Variants in LIFR observed in about 807,000 individuals in gnomAD.
LIFR encodes the protein leukemia inhibitory factor receptor.
In LIFR, 84 loss-of-function variants were observed where a neutral mutation model predicts 122.2. The observed-to-expected ratio is 0.69, with a 90% CI of 0.58 to 0.82. LIFR has a LOEUF of 0.82. Among genes scored for constraint, LIFR ranks in the 40% least tolerant of loss-of-function variants. LIFR has a pLI of 0.00. For missense variants in LIFR, 1,294 were observed against 1,311.6 expected (o/e 0.99, Z 0.21); for synonymous variants, 422 against 434.7 (o/e 0.97, Z 0.36).
intron 1 of LIFR, chr5:38,607,513 ACTCTCTCT>A (rs60564000): frequency 0.31 from 46,192 of 147,670 alleles, 8,147 homozygotes; most frequent in Middle Eastern, 0.43. Flanking sequence ...TCTCATATGC[ACTCTCTCT>A]CTCTCTCTCT....
At chr5:38,566,909 A>G (rs1237998720) in intron 1 of LIFR, among the ~76,000 whole-genome samples, 1 of 152,224 alleles carries the variant, frequency 6.6e-6, no homozygotes, top group African/African-American at 2.4e-5. Context: ...GACATTTTCC[A>G]TGGTGTAAAT....
chr5:38,496,275 A>AT (rs1455388420), intron 13 of LIFR, 107 bp downstream of exon 13: 11 of 893,330 alleles, frequency 1.2e-5, no homozygotes, highest in Non-Finnish European at 2.0e-5. Flanking sequence ...GGTCAGCAGC[A>AT]ACAAGGTATA....
chr5:38,528,258 C>T (rs1414226046), intron 3 of LIFR, among the ~76,000 whole-genome samples: 1 of 152,176 alleles, frequency 6.6e-6, no homozygotes, highest in Non-Finnish European at 1.5e-5. Flanking sequence ...CTCCCTTGCA[C>T]AAAAACCACA....
At position 38,525,719 on chromosome 5, in the gene LIFR, G is replaced by C. The variant is rs189306819; in HGVS notation, c.397+1436C>G. On this transcript the variant is annotated intron_variant, in intron 4 of 19. Coordinates refer to ENST00000453190, the MANE Select transcript of LIFR (RefSeq NM_001127671.2). ...GAAAAGGAAAAATGCAGACAAACGA[G>C]AGGCAAGAAGTTGATTTAGTGCCAG... Among the ~76,000 whole-genome samples the C allele has an allele frequency of 3.3e-3, 499 of 152,264 alleles. 4 individuals carry two copies. The highest frequency in any genetic ancestry group is 6.1e-3 in the Admixed American group (93 of 15,296).
chr5:38,526,962 G>T (rs1179511412), intron 4 of LIFR, among the ~76,000 whole-genome samples, 193 bp downstream of exon 4: 1 of 152,060 alleles, frequency 6.6e-6, no homozygotes, highest in Non-Finnish European at 1.5e-5. Flanking sequence ...CTGAATTCTG[G>T]GCTATTTTGA....
rs551957274 is a variant in LIFR, at chr5:38,480,377, T to C, written c.*1218A>G. On this transcript the variant is annotated 3_prime_UTR_variant, in exon 20 of 20. Transcript: ENST00000453190. ...CAATTCTGCACAGCTCACCAAGCAA[T>C]TGCTGCACCTGCAACACAGGTATGC... is the stretch of plus-strand genomic sequence containing the variant. 6 of 226,218 alleles carry C rather than the reference T, an allele frequency of 2.7e-5. No individual in the cohort carries two copies. The highest frequency in any genetic ancestry group is 1.1e-4 in the Admixed American group (2 of 17,556). The allele number at this position is 226,218 out of a possible 1,614,324, so 14.0% of individuals were successfully genotyped here.
At position 38,504,058 on chromosome 5, in the gene LIFR, G is replaced by T. The variant is rs1745321362; in HGVS notation, c.1355C>A (p.Ser452Tyr). Reference sequence around the variant, plus strand: ...TGCAAAGTTGCCTGGTAAATGCCAAGAAAGTTTAACAGCTGTTGAATTAAT... The same window carrying T: ...TGCAAAGTTGCCTGGTAAATGCCAATAAAGTTTAACAGCTGTTGAATTAAT... ...KDINSTAVKLSWHLPGNFAKI... is the reference protein window; with the variant it reads ...KDINSTAVKLYWHLPGNFAKI... The change falls in exon 10 of 20, where the codon TCT becomes TAT. Residue 452 changes from serine (S) to tyrosine (Y), a missense_variant. Ser to Tyr is a moderately radical substitution (Grantham distance 144). Coordinates refer to ENST00000453190, the MANE Select transcript of LIFR (RefSeq NM_001127671.2). 1 of 1,592,278 alleles carries T rather than the reference G, an allele frequency of 6.3e-7. No individual in the cohort carries two copies. Among genetic ancestry groups the T allele is most frequent in the African/African-American group, 1.3e-5 (1 of 74,474 alleles).
intron 1 of LIFR, among the ~76,000 whole-genome samples, chr5:38,536,146 C>T (rs1430478017): frequency 6.6e-6 from 1 of 152,088 alleles, no homozygotes; most frequent in Non-Finnish European, 1.5e-5. Context: ...AATGAGGGTG[C>T]TGGTTTCCAA....
chr5:38,509,147 C>T (rs765390296), intron 7 of LIFR, among the ~76,000 whole-genome samples: 1 of 152,152 alleles, frequency 6.6e-6, no homozygotes, highest in African/African-American at 2.4e-5. Flanking sequence ...TGAAATAACA[C>T]AAATGGAAAC....
intron 1 of LIFR, among the ~76,000 whole-genome samples, chr5:38,575,954 T>C (rs1043638419): frequency 6.6e-6 from 1 of 152,216 alleles, no homozygotes; most frequent in African/African-American, 2.4e-5. Context: ...GATTTATTCC[T>C]GTGTCACTGG....
At chr5:38,582,830 A>G (rs979276335) in intron 1 of LIFR, among the ~76,000 whole-genome samples, 2 of 152,184 alleles carry the variant, frequency 1.3e-5, no homozygotes, top group African/African-American at 4.8e-5. Flanking sequence ...CCTTCTGCCC[A>G]GGGAATTCCC....
chr5:38,516,106 ATTT>A (rs1186026183), intron 5 of LIFR, among the ~76,000 whole-genome samples: 4 of 152,016 alleles, frequency 2.6e-5, no homozygotes, highest in African/African-American at 9.7e-5. Flanking sequence ...ATTTTCCCAA[ATTT>A]TTTCCCAAAA....
At position 38,477,685 on chromosome 5, in the gene LIFR, G is replaced by A. The variant is rs1466178577; in HGVS notation, c.*3910C>T. On this transcript the variant is annotated 3_prime_UTR_variant, in exon 20 of 20. Transcript: ENST00000453190. The stretch of plus-strand genomic sequence containing the variant: ...GTAGATTTGAATCTTTGAGTCAATA[G>A]TCTCAGATCCACACAAGCTAGATTT... 1 of 217,268 alleles carries A rather than the reference G, an allele frequency of 4.6e-6. No homozygotes were observed. Among genetic ancestry groups the A allele is most frequent in the Non-Finnish European group, 9.3e-6 (1 of 107,934 alleles). The allele number at this position is 217,268 out of a possible 1,614,324, so 13.5% of individuals were successfully genotyped here.
chr5:38,528,473 G>A lies in LIFR; in HGVS notation c.257+253C>T, dbSNP rs77081510. 4.9e-4 allele frequency among the ~76,000 whole-genome samples: 74 copies of A among 152,198 alleles called. No homozygotes were observed. The East Asian group carries it at 0.014, about 28-fold the overall frequency. ...GCTTTATTTGGTGGCAGAAATCTGA[G>A]TGACAGTCTTATCTACCAGATCTGC... is the stretch of plus-strand genomic sequence containing the variant. On this transcript the variant is annotated intron_variant, in intron 3 of 19. Transcript: ENST00000453190.
intron 1 of LIFR, among the ~76,000 whole-genome samples, chr5:38,547,334 C>G (rs1747950710): frequency 6.6e-6 from 1 of 152,130 alleles, no homozygotes; most frequent in Admixed American, 6.6e-5. Flanking sequence ...TGTTCTTCCC[C>G]TAACTTACAC....
chr5:38,569,290 C>G (rs1326310478), intron 1 of LIFR, among the ~76,000 whole-genome samples: 1 of 152,198 alleles, frequency 6.6e-6, no homozygotes, highest in African/African-American at 2.4e-5. Context: ...AGACTCAGCA[C>G]AGCATTGAGA....
chr5:38,545,465 A>T (rs573973779), intron 1 of LIFR, among the ~76,000 whole-genome samples: 23 of 151,650 alleles, frequency 1.5e-4, no homozygotes, highest in South Asian at 1.3e-3. Context: ...TGAAACTAAA[A>T]TTTTTTTTTG....
chr5:38,503,062 A>T (rs1407936492), intron 10 of LIFR, among the ~76,000 whole-genome samples: 1 of 152,138 alleles, frequency 6.6e-6, no homozygotes, highest in African/African-American at 2.4e-5. Context: ...TTTAATCCAA[A>T]TACTGGCTCT....
At position 38,496,611 on chromosome 5, in the gene LIFR, A is replaced by G. The variant is rs764854206; in HGVS notation, c.1672-16T>C. 1.3e-5 allele frequency: 21 copies of G among 1,568,426 alleles called. No individual in the cohort carries two copies. In the South Asian group the frequency reaches 1.8e-4, roughly 13 times the overall value. Reference sequence around the variant, plus strand: ...TGGGTAAAGGCTATGAAAAACAGACAAATTGTTATAAAACCCTGCAAAACG... The same window carrying G: ...TGGGTAAAGGCTATGAAAAACAGACGAATTGTTATAAAACCCTGCAAAACG... On this transcript the variant is annotated splice_polypyrimidine_tract_variant and intron_variant, in intron 12 of 19. Coordinates refer to ENST00000453190, the MANE Select transcript of LIFR (RefSeq NM_001127671.2).
Sources: gnomAD v4.1 joint callset for allele counts (sites outside exome capture counted in the v4.1 genomes callset) on GRCh38, gnomAD v4.1.1 for gene constraint, MANE v1.5 for transcripts, NCBI Gene and HGNC (gene_info 2026-07-23, HGNC 2026-07-21) for gene names.